The following FRY variants were observed in gnomAD, a reference collection of about 807,000 sequenced individuals.
The protein encoded by FRY is protein furry homolog.
A neutral mutation model predicts 348.4 loss-of-function variants in FRY; 128 were observed. The ratio of observed to expected loss-of-function variants is 0.37; its 90% CI spans 0.32 to 0.43. FRY has a LOEUF of 0.43. Ranked by LOEUF, FRY falls within the 20% of genes least tolerant of loss-of-function variation. FRY has a pLI of 1.00. For synonymous variants in FRY, 1,370 were observed against 1,374.7 expected, an observed-to-expected ratio of 1.00 and a Z score of 0.08; for missense variants, 2,736 against 3,695.2, an observed-to-expected ratio of 0.74 and a Z score of 6.73.
chr13:32,273,919 C>T (rs576396230), intron 55 of FRY, among the ~76,000 whole-genome samples: 2 of 152,262 alleles, frequency 1.3e-5, no homozygotes, highest in East Asian at 3.9e-4. Flanking sequence ...ATCCAAAATG[C>T]TCTAAAATCT....
Position 32,268,527 on chromosome 13 carries a change from T to TATATATAG in FRY, c.8136+1175_8136+1176insGATATATA, listed in dbSNP as rs1449815374. Among the ~76,000 whole-genome samples the TATATATAG allele has an allele frequency of 3.0e-5, 4 of 132,274 alleles. No individual in the cohort carries two copies. In the East Asian group the frequency reaches 8.9e-4, roughly 29 times the overall value. 86.8% of individuals were successfully genotyped at this position (132,274 alleles called of 152,430 possible). ...AAAAATATATATATATATATATATA[T>TATATATAG]ATATATATATATCTAGATTAGTATT... On this transcript the variant is annotated intron_variant, in intron 55 of 60. Coordinates refer to ENST00000542859, the MANE Select transcript of FRY (RefSeq NM_023037.3).
chr13:32,209,181 C>A, intron 32 of FRY, 72 bp downstream of exon 32: 1 of 1,544,694 alleles, frequency 6.5e-7, no homozygotes, highest in Non-Finnish European at 8.9e-7. Context: ...TTAGTCAAAC[C>A]CCGGGGAAAA....
intron 29 of FRY, among the ~76,000 whole-genome samples, chr13:32,200,307 A>G (rs1170206864): frequency 2.0e-5 from 3 of 152,204 alleles, no homozygotes; most frequent in Non-Finnish European, 2.9e-5. Context: ...TGTAGAATCA[A>G]AAAAAAGATT....
chr13:32,059,941 T>G lies in FRY; in HGVS notation c.71-18893T>G, dbSNP rs117344398. ...ATGCAGGAGTAGCATGGGGCATCTT[T>G]GCTGGTGTTTAGCTCAGCAGAATCA... is the stretch of plus-strand genomic sequence containing the variant. On this transcript the variant is annotated intron_variant, in intron 1 of 60. Coordinates refer to ENST00000542859, the MANE Select transcript of FRY (RefSeq NM_023037.3). Among the ~76,000 whole-genome samples the G allele has an allele frequency of 8.5e-5, 13 of 152,374 alleles. No individual in the cohort carries two copies. In the East Asian group the frequency reaches 2.5e-3, roughly 29 times the overall value.
chr13:32,207,940 T>C (rs1038419921), intron 31 of FRY, among the ~76,000 whole-genome samples: 2 of 152,212 alleles, frequency 1.3e-5, no homozygotes, highest in African/African-American at 4.8e-5. Context: ...CTTCTCTAGA[T>C]ATGAGAGATA....
chr13:32,211,386 G>A (rs951995073), intron 34 of FRY, among the ~76,000 whole-genome samples: 3 of 152,222 alleles, frequency 2.0e-5, no homozygotes, highest in Non-Finnish European at 4.4e-5. Flanking sequence ...TTGAACCCAC[G>A]AGGCAGAGGT....
chr13:32,222,458 C>T (rs1360400590), intron 36 of FRY, among the ~76,000 whole-genome samples: 1 of 152,154 alleles, frequency 6.6e-6, no homozygotes, highest in African/African-American at 2.4e-5. Flanking sequence ...GTGATCTACC[C>T]GCCATGGCCT....
At chr13:32,211,139 C>A in intron 34 of FRY, 105 bp downstream of exon 34, 1 of 1,055,376 alleles carries the variant, frequency 9.5e-7, no homozygotes, top group Non-Finnish European at 1.4e-6. Flanking sequence ...TTTTCTTATT[C>A]CTGTGTGTGC....
intron 44 of FRY, 135 bp downstream of exon 44, chr13:32,238,121 T>C: frequency 1.1e-6 from 1 of 935,424 alleles, no homozygotes; most frequent in Non-Finnish European, 1.7e-6. Flanking sequence ...GTTTATTTTT[T>C]CTCATAAAAT....
At chr13:32,213,390 A>G (rs1356038957) in intron 35 of FRY, among the ~76,000 whole-genome samples, 1 of 152,238 alleles carries the variant, frequency 6.6e-6, no homozygotes, top group African/African-American at 2.4e-5. Context: ...TGTTACCTTC[A>G]GGCAGATGCT....
At chr13:32,134,822 A>G (rs1016670514) in intron 8 of FRY, 82 bp from the exon 9 acceptor site, 1 of 840,974 alleles carries the variant, frequency 1.2e-6, no homozygotes, top group Non-Finnish European at 2.1e-6. Flanking sequence ...ATTAAGAGCT[A>G]CTTACTGAAA....
chr13:32,182,148 GA>G (rs1882753933), intron 23 of FRY, among the ~76,000 whole-genome samples: 1 of 152,148 alleles, frequency 6.6e-6, no homozygotes. Context: ...GCATACTACA[GA>G]CAAAATACCT....
chr13:32,197,691 T>C (rs2252552), intron 29 of FRY, among the ~76,000 whole-genome samples: 63,165 of 152,088 alleles, frequency 0.42, 13,345 homozygotes, highest in African/African-American at 0.45. Context: ...TCAATAGTTG[T>C]TGGAGGAGAA....
intron 31 of FRY, among the ~76,000 whole-genome samples, chr13:32,208,355 CTG>C (rs571569069): frequency 1.1e-3 from 162 of 152,384 alleles, no homozygotes; most frequent in African/African-American, 3.8e-3. Flanking sequence ...ATGATAGGCA[CTG>C]TGCTGAGCAC....
chr13:32,056,273 G>A (rs1873619553), intron 1 of FRY, among the ~76,000 whole-genome samples: 1 of 151,786 alleles, frequency 6.6e-6, no homozygotes, highest in South Asian at 2.1e-4. Context: ...CCTCTGTATA[G>A]GTTCACACAG....
At chr13:32,034,001 A>G (rs1872375369) in intron 1 of FRY, among the ~76,000 whole-genome samples, 1 of 152,190 alleles carries the variant, frequency 6.6e-6, no homozygotes, top group South Asian at 2.1e-4. Flanking sequence ...ACTCAGTGTA[A>G]CCTTGGCTGA....
At chr13:32,145,110 C>CA (rs1254985517) in intron 11 of FRY, among the ~76,000 whole-genome samples, 1 of 152,112 alleles carries the variant, frequency 6.6e-6, no homozygotes, top group East Asian at 1.9e-4. Flanking sequence ...CTAGGGTTTA[C>CA]AAAGCTTGCG....
chr13:32,097,056 C>A (rs892633812), intron 2 of FRY, among the ~76,000 whole-genome samples: 13 of 151,924 alleles, frequency 8.6e-5, no homozygotes, highest in Admixed American at 6.6e-5. Context: ...TATCAGCTTC[C>A]CATCTAATTT....
intron 58 of FRY, among the ~76,000 whole-genome samples, chr13:32,288,252 C>T (rs978326297): frequency 6.6e-6 from 1 of 152,114 alleles, no homozygotes; most frequent in African/African-American, 2.4e-5. Flanking sequence ...ATCTTTTATA[C>T]CAGAGTTTTA....
Sources: allele counts gnomAD v4.1 joint callset (sites outside exome capture counted in the v4.1 genomes callset), GRCh38; gene constraint gnomAD v4.1.1; transcripts MANE v1.5; gene names NCBI Gene and HGNC (gene_info 2026-07-23, HGNC 2026-07-21).